The following CPNE9 variants were observed in gnomAD, a reference collection of about 807,000 sequenced individuals.
CPNE9 encodes the protein copine family member 9, also known as copine-9.
A neutral mutation model predicts 83.0 loss-of-function variants in CPNE9; 59 were observed. The ratio of observed to expected loss-of-function variants is 0.71; its 90% confidence interval spans 0.58 to 0.88. CPNE9 has a LOEUF of 0.88. Ranked by LOEUF, CPNE9 falls within the 40% of genes least tolerant of loss-of-function variation. The probability of loss-of-function intolerance (pLI) is 0.00; values close to 1 mark genes in which losing one functional copy is unlikely to be tolerated. For missense variants in CPNE9, 619 were observed against 720.8 expected (o/e 0.86, Z 1.62); for synonymous variants, 256 against 273.4 (o/e 0.94, Z 0.63).
intron 18 of CPNE9, among the ~76,000 whole-genome samples, chr3:9,726,342 G>A (rs933142667): frequency 1.3e-5 from 2 of 152,192 alleles, no homozygotes; most frequent in African/African-American, 2.4e-5. Context: ...GAGGAACCCT[G>A]AGCTTAGGGA....
intron 20 of CPNE9, 124 bp downstream of exon 20, chr3:9,727,310 T>G (rs778775638): frequency 9.5e-6 from 10 of 1,055,166 alleles, no homozygotes; most frequent in Non-Finnish European, 1.5e-5. Context: ...TCTTTCATCC[T>G]TTCTCATTCA....
intron 17 of CPNE9, among the ~76,000 whole-genome samples, chr3:9,721,611 G>A (rs1031765792): frequency 6.6e-6 from 1 of 152,106 alleles, no homozygotes; most frequent in African/African-American, 2.4e-5. Flanking sequence ...TAGAGGACGA[G>A]GTAGACTTTA....
rs1479594873 is a variant in CPNE9, at chr3:9,719,184, G to T, written c.1241+582G>T. 1.2e-4 allele frequency among the ~76,000 whole-genome samples: 19 copies of T among 152,014 alleles called. 1 individual carries two copies. On this transcript the variant is annotated intron_variant, in intron 17 of 20. Transcript: ENST00000383832. Reference sequence around the variant, plus strand: ...AAATTAAAAAAATTAAAGTATACAGGACGATGTGTATAGGTTATATGCAAA... The same window carrying T: ...AAATTAAAAAAATTAAAGTATACAGTACGATGTGTATAGGTTATATGCAAA...
chr3:9,725,984 A>G lies in CPNE9; in HGVS notation c.1277A>G (p.Tyr426Cys), dbSNP rs771169780. The G allele has an allele frequency of 1.2e-6, 2 of 1,613,384 alleles. No homozygotes were observed. Among genetic ancestry groups the G allele is most frequent in the Non-Finnish European group, 1.7e-6 (2 of 1,179,608 alleles). ...AAKISDGSQY[Y>C]VLLIITDGVI... ...AAGATCTCTGATGGCTCCCAGTACTATGTTCTGCTCATCATCACTGATGGG... is the reference window on the plus strand; with the variant it reads ...AAGATCTCTGATGGCTCCCAGTACTGTGTTCTGCTCATCATCACTGATGGG... Residue 426 changes from tyrosine to cysteine, a missense_variant, in exon 18 of 21, where the codon TAT (tyrosine) becomes TGT (cysteine). Physicochemically the swap from Tyr to Cys is radical, Grantham distance 194. This residue lies in a region of CPNE9 where 438 missense variants were observed against 562.9 expected (regional missense o/e 0.78). Transcript: ENST00000383832.
At chr3:9,723,979 C>G (rs1361331618) in intron 17 of CPNE9, among the ~76,000 whole-genome samples, 1 of 152,196 alleles carries the variant, frequency 6.6e-6, no homozygotes, top group Non-Finnish European at 1.5e-5. Flanking sequence ...CAATATGGTA[C>G]TCACCAACCA....
intron 17 of CPNE9, among the ~76,000 whole-genome samples, chr3:9,725,742 T>C (rs1278662133): frequency 7.5e-6 from 1 of 132,984 alleles, no homozygotes; most frequent in African/African-American, 2.9e-5. Context: ...TTCATATATA[T>C]GTATATATGT....
Position 9,729,904 on chromosome 3 carries a change from T to G in CPNE9, c.*212T>G, listed in dbSNP as rs2076814858. 1.6e-6 allele frequency: 1 copy of G among 615,970 alleles called. No homozygotes were observed. 38.2% of individuals were successfully genotyped at this position (615,970 alleles called of 1,614,324 possible). ...ATGCCAATAATAAAGCTGATCTTTA[T>G]TCCACCTCTGTCTCATGCATGTTGG... On this transcript the variant is annotated 3_prime_UTR_variant, in exon 21 of 21. Transcript: ENST00000383832.
At chr3:9,719,230 C>T (rs754035404) in intron 17 of CPNE9, among the ~76,000 whole-genome samples, 6 of 152,008 alleles carry the variant, frequency 3.9e-5, no homozygotes, top group African/African-American at 1.2e-4. Context: ...TTTTATATGA[C>T]GGACTTGAAT....
chr3:9,717,648 A>C (rs80115368), intron 15 of CPNE9, among the ~76,000 whole-genome samples: 4,720 of 152,186 alleles, frequency 0.031, 157 homozygotes, highest in African/African-American at 0.088. Context: ...AAAATGAAGA[A>C]AAATGGCAAG....
At position 9,729,761 on chromosome 3, in the gene CPNE9, G is replaced by A; in HGVS notation, c.*69G>A. ...CCCACTGCTTCTGCTTTAAGCCAGAGGCACCTGGAACCCTGGACTTCACTG... is the reference window on the plus strand; with the variant it reads ...CCCACTGCTTCTGCTTTAAGCCAGAAGCACCTGGAACCCTGGACTTCACTG... On this transcript the variant is annotated 3_prime_UTR_variant, in exon 21 of 21. Transcript: ENST00000383832. The A allele has an allele frequency of 8.6e-6, 13 of 1,517,636 alleles. No individual in the cohort carries two copies. The allele number at this position is 1,517,636 out of a possible 1,614,324, so 94.0% of individuals were successfully genotyped here. A position where few individuals can be genotyped will look rare whatever the true frequency, so the allele number is the denominator to read the frequency against.
intron 17 of CPNE9, among the ~76,000 whole-genome samples, chr3:9,719,073 G>A (rs955601359): frequency 6.6e-6 from 1 of 151,916 alleles, no homozygotes; most frequent in African/African-American, 2.4e-5. Flanking sequence ...CCAACCTCAA[G>A]TGATCCACCT....
At chr3:9,718,305 T>C (rs1178042277) in intron 16 of CPNE9, 95 bp downstream of exon 16, 2 of 1,406,176 alleles carry the variant, frequency 1.4e-6, no homozygotes, top group Non-Finnish European at 1.9e-6. Context: ...AAAGGGCATG[T>C]AGAGGAACAG....
rs775556487 is a variant in CPNE9, at chr3:9,729,643, C to T, written c.1613C>T (p.Pro538Leu). Residue 538 changes from proline (P) to leucine (L), a missense_variant, in exon 21 of 21, where the codon CCC becomes CTC. By Grantham distance (98) the Pro-to-Leu change is moderately conservative. This residue lies in a region of CPNE9 where 51 missense variants were observed against 40.4 expected (regional missense o/e 1.26). Coordinates refer to ENST00000383832, the MANE Select transcript of CPNE9 (RefSeq NM_153635.3). Reference protein sequence around the residue: ...YMRTRDIQPRPPPPANPSPIP... With the variant: ...YMRTRDIQPRLPPPANPSPIP... Reference sequence around the variant, plus strand: ...CGCACCAGAGACATCCAGCCTCGGCCCCCACCCCCTGCCAACCCCAGCCCG... The same window carrying T: ...CGCACCAGAGACATCCAGCCTCGGCTCCCACCCCCTGCCAACCCCAGCCCG... 19 of 1,614,122 alleles carry T rather than the reference C, an allele frequency of 1.2e-5. No homozygotes were observed. The East Asian group carries it at 4.2e-4, about 36-fold the overall frequency.
At chr3:9,724,176 C>G (rs1007938482) in intron 17 of CPNE9, among the ~76,000 whole-genome samples, 1 of 151,118 alleles carries the variant, frequency 6.6e-6, no homozygotes, top group Non-Finnish European at 1.5e-5. Flanking sequence ...TACCTTTGTG[C>G]CCTCTCTAGG....
intron 17 of CPNE9, 63 bp downstream of exon 17, chr3:9,718,665 A>C (rs1407341198): frequency 6.4e-6 from 10 of 1,567,572 alleles, no homozygotes; most frequent in Non-Finnish European, 8.7e-6. Context: ...TGACCCCCCA[A>C]GGATAGTCAG....
At chr3:9,711,328 G>A (rs1007024288) in intron 7 of CPNE9, among the ~76,000 whole-genome samples, 9 of 151,834 alleles carry the variant, frequency 5.9e-5, no homozygotes, top group Admixed American at 1.3e-4. Flanking sequence ...TCAGCCTCCC[G>A]AGTAGCTGGC....
chr3:9,718,650 G>C, intron 17 of CPNE9, 48 bp downstream of exon 17: 1 of 1,593,462 alleles, frequency 6.3e-7, no homozygotes, highest in Non-Finnish European at 8.6e-7. Context: ...ACCCACATAA[G>C]GGATTGACCC....
At chr3:9,715,067 A>C in intron 11 of CPNE9, 112 bp downstream of exon 11, 1 of 1,019,886 alleles carries the variant, frequency 9.8e-7, no homozygotes, top group Non-Finnish European at 1.5e-6. Context: ...AGGAAAGGTG[A>C]TGATAAACAC....
At chr3:9,728,923 C>T (rs1575137188) in intron 20 of CPNE9, among the ~76,000 whole-genome samples, 2 of 152,246 alleles carry the variant, frequency 1.3e-5, no homozygotes. Context: ...GTCTCCCCTG[C>T]TCCCTCCTTT....
Sources: gnomAD v4.1 joint callset for allele counts (sites outside exome capture counted in the v4.1 genomes callset) on GRCh38, gnomAD v4.1.1 for gene constraint, gnomAD v4.1.1 regional missense constraint, MANE v1.5 for transcripts, NCBI Gene and HGNC (gene_info 2026-07-23, HGNC 2026-07-21) for gene names.